KDM4D: variants seen among roughly 807,000 people sequenced by gnomAD.
KDM4D encodes lysine demethylase 4D, also known as lysine-specific demethylase 4D.
For missense variants in KDM4D, 427 were observed against 674.8 expected, an observed-to-expected ratio of 0.63 and a Z score of 4.07; for synonymous variants, 254 against 249.1, an observed-to-expected ratio of 1.02 and a Z score of -0.19.
chr11:94,996,006 C>T (rs781904712), intron 2 of KDM4D, among the ~76,000 whole-genome samples: 1 of 152,106 alleles, frequency 6.6e-6, no homozygotes, highest in Non-Finnish European at 1.5e-5. Context: ...GGATAGGGGA[C>T]ACATACTGCA....
At chr11:94,982,015 T>G (rs1555097619) in intron 2 of KDM4D, among the ~76,000 whole-genome samples, 1 of 151,636 alleles carries the variant, frequency 6.6e-6, no homozygotes, top group African/African-American at 2.4e-5. Flanking sequence ...AGATTTGAAA[T>G]GTAGTATTTT....
chr11:94,974,936 A>G (rs1219017048), intron 1 of KDM4D, among the ~76,000 whole-genome samples: 6 of 152,178 alleles, frequency 3.9e-5, no homozygotes, highest in African/African-American at 1.2e-4. Context: ...TGGTGTTACT[A>G]TCCTGTGTAC....
intron 2 of KDM4D, among the ~76,000 whole-genome samples, chr11:94,982,558 A>AG (rs1857850540): frequency 6.7e-6 from 1 of 149,904 alleles, no homozygotes; most frequent in South Asian, 2.1e-4. Context: ...AAAAAAAAAA[A>AG]AGAGACATGA....
chr11:94,994,968 G>A (rs1319351862), intron 2 of KDM4D, among the ~76,000 whole-genome samples: 1 of 152,130 alleles, frequency 6.6e-6, no homozygotes. Flanking sequence ...GGAGAAATTA[G>A]CCCTAGAAAG....
chr11:94,983,440 G>A (rs1340942566), intron 2 of KDM4D, among the ~76,000 whole-genome samples: 2 of 151,920 alleles, frequency 1.3e-5, no homozygotes, highest in Non-Finnish European at 2.9e-5. Flanking sequence ...AATCATAATG[G>A]AAAAGATCAA....
At position 94,998,254 on chromosome 11, in the gene KDM4D, T is replaced by C. The variant is rs371003503; in HGVS notation, c.882T>C (p.Asn294=). The C allele has an allele frequency of 3.1e-6, 5 of 1,614,244 alleles. No individual in the cohort carries two copies. Among genetic ancestry groups the C allele is most frequent in the Non-Finnish European group, 4.2e-6 (5 of 1,180,046 alleles). ...GTTTCAACTGCGCAGAGGCCATCAA[T>C]TTTGCCACTCCGCGATGGATTGATT... ...NHGFNCAEAI[N]FATPRWIDYG... is the part of the protein sequence containing the mutation. Residue 294 remains asparagine (N), a synonymous_variant, in exon 3 of 3, where the codon AAT becomes AAC. Coordinates refer to ENST00000335080, the MANE Select transcript of KDM4D (RefSeq NM_018039.3). The surrounding 1 kb of genome is among the most constrained non-coding windows in gnomAD (Gnocchi z 6.7).
intron 1 of KDM4D, among the ~76,000 whole-genome samples, chr11:94,975,059 G>A (rs1555096831): frequency 2.0e-5 from 3 of 152,180 alleles, no homozygotes; most frequent in African/African-American, 7.2e-5. Flanking sequence ...ACTCGCTTAC[G>A]CACTAAGCTC....
Position 94,998,076 on chromosome 11 carries a change from C to T in KDM4D, c.704C>T (p.Ser235Phe). Residue 235 changes from serine (S) to phenylalanine (F), a missense_variant, in exon 3 of 3, where the codon TCC becomes TTC. Physicochemically the swap from Ser to Phe is radical, Grantham distance 155 (BLOSUM62 -2). Transcript: ENST00000335080. The surrounding 1 kb of genome is among the most constrained non-coding windows in gnomAD (Gnocchi z 6.7). Reference sequence around the variant, plus strand: ...GCCAGGGAGCTCTTCCCAGGCAGTTCCCGGGGTTGTGGGGCCTTCCTGCGG... The same window carrying T: ...GCCAGGGAGCTCTTCCCAGGCAGTTTCCGGGGTTGTGGGGCCTTCCTGCGG... ...RLARELFPGS[S>F]RGCGAFLRHK... The T allele has an allele frequency of 3.1e-6, 5 of 1,614,168 alleles. No individual in the cohort carries two copies. Among genetic ancestry groups the T allele is most frequent in the Non-Finnish European group, 3.4e-6 (4 of 1,180,040 alleles).
At chr11:94,976,392 T>C (rs1857797380) in intron 2 of KDM4D, among the ~76,000 whole-genome samples, 1 of 152,194 alleles carries the variant, frequency 6.6e-6, no homozygotes, top group Non-Finnish European at 1.5e-5. Flanking sequence ...ACAGAAGCTC[T>C]TAAACAAGGA....
At position 94,999,502 on chromosome 11, in the gene KDM4D, CA is replaced by C. The variant is rs1555099744; in HGVS notation, c.*562del. 1.2e-5 allele frequency: 2 copies of C among 161,990 alleles called. No individual in the cohort carries two copies. Among genetic ancestry groups the C allele is most frequent in the African/African-American group, 4.8e-5 (2 of 41,394 alleles). 10.0% of individuals were successfully genotyped at this position (161,990 alleles called of 1,614,324 possible). On this transcript the variant is annotated 3_prime_UTR_variant, in exon 3 of 3. Transcript: ENST00000335080. Reference sequence around the variant, plus strand: ...TGTTCCCAAATATATTAAAGGTAACCAAAATGTTAAAATCTGATTTTATTTC... The same window carrying C: ...TGTTCCCAAATATATTAAAGGTAACCAAATGTTAAAATCTGATTTTATTTC...
rs141114358 is a variant in KDM4D, at chr11:94,991,771, G to A, written c.-349-5253G>A. On this transcript the variant is annotated intron_variant, in intron 2 of 2. Transcript: ENST00000335080. ...AAATAAGAGGAGTTAATACACAGAC[G>A]AAAAGGAGTAGAGGAAATCAAAGAA... 7.5e-4 allele frequency among the ~76,000 whole-genome samples: 112 copies of A among 149,212 alleles called. 1 individual carries two copies. Among genetic ancestry groups the A allele is most frequent in the African/African-American group, 2.7e-3 (111 of 40,700 alleles).
chr11:94,981,126 A>C (rs1329379729), intron 2 of KDM4D, among the ~76,000 whole-genome samples: 1 of 152,112 alleles, frequency 6.6e-6, no homozygotes, highest in Admixed American at 6.6e-5. Context: ...AATTTTATCA[A>C]ATACTTTCTC....
At chr11:94,981,353 GTACCA>G (rs1857841472) in intron 2 of KDM4D, among the ~76,000 whole-genome samples, 1 of 151,804 alleles carries the variant, frequency 6.6e-6, no homozygotes, top group African/African-American at 2.4e-5. Context: ...TTGGGGATTC[GTACCA>G]TAAAATGAAT....
chr11:94,995,406 G>A (rs1857967594), intron 2 of KDM4D, among the ~76,000 whole-genome samples: 1 of 152,200 alleles, frequency 6.6e-6, no homozygotes, highest in Non-Finnish European at 1.5e-5. Context: ...TAAGGTAGAA[G>A]TGATAAGTGG....
rs1857811469 is a variant in KDM4D at position 94,977,979 on chromosome 11, T to TAAAGGAA, written c.-350+2235_-350+2241dup. On this transcript the variant is annotated intron_variant, in intron 2 of 2. Transcript: ENST00000335080. ...TATTGCCTTAATCTATTTTATATTT[T>TAAAGGAA]AAAGGAAAAAAGTAACTTACATTGT... is the stretch of plus-strand genomic sequence containing the variant. Among the ~76,000 whole-genome samples, 12 of 152,278 alleles carry TAAAGGAA rather than the reference T, an allele frequency of 7.9e-5. No homozygotes were observed. The South Asian group carries it at 2.5e-3, about 32-fold the overall frequency.
rs1857981831 is a variant in KDM4D, at chr11:94,997,184, G to C, written c.-189G>C. On this transcript the variant is annotated 5_prime_UTR_variant, in exon 3 of 3. Transcript: ENST00000335080. ...AATGCCTGGGCAAAGCTGCTGCCCA[G>C]AGTGGAATCTCACTAGTGAATAAAC... 4.2e-6 allele frequency: 2 copies of C among 474,152 alleles called. No homozygotes were observed. The highest frequency in any genetic ancestry group is 4.0e-5 in the African/African-American group (2 of 49,610). The allele number at this position is 474,152 out of a possible 1,614,324, so 29.4% of individuals were successfully genotyped here. A position where few individuals can be genotyped will look rare whatever the true frequency, so the allele number is the denominator to read the frequency against.
intron 2 of KDM4D, among the ~76,000 whole-genome samples, chr11:94,987,702 G>A (rs1033047684): frequency 2.0e-5 from 3 of 152,166 alleles, no homozygotes; most frequent in African/African-American, 4.8e-5. Flanking sequence ...GGCAAACTCA[G>A]AGGAAACAGA....
intron 2 of KDM4D, among the ~76,000 whole-genome samples, chr11:94,989,388 C>T (rs1555098406): frequency 2.0e-5 from 3 of 152,244 alleles, no homozygotes; most frequent in African/African-American, 7.2e-5. Context: ...AGGAAGACTT[C>T]TGGCTCCTGC....
intron 2 of KDM4D, among the ~76,000 whole-genome samples, chr11:94,990,471 T>C (rs1330028847): frequency 6.6e-6 from 1 of 152,176 alleles, no homozygotes; most frequent in Non-Finnish European, 1.5e-5. Context: ...TGACTGGAAC[T>C]ACGTTTGTAT....
Sources: gnomAD v4.1 joint callset for allele counts (sites outside exome capture counted in the v4.1 genomes callset) on GRCh38, gnomAD v4.1.1 for gene constraint, Gnocchi (gnomAD v3.1) non-coding constraint, MANE v1.5 for transcripts, NCBI Gene and HGNC (gene_info 2026-07-23, HGNC 2026-07-21) for gene names.